SKAP2: variants seen among roughly 807,000 people sequenced by gnomAD.
SKAP2 encodes src kinase associated phosphoprotein 2.
Under a neutral mutation model 54.9 loss-of-function variants are expected in SKAP2, and 28 were observed. That is an observed-to-expected ratio of 0.51 (90% CI 0.38 to 0.70). The LOEUF (loss-of-function observed/expected upper bound fraction) is 0.70. Ranked by LOEUF, SKAP2 falls within the 30% of genes least tolerant of loss-of-function variation. The probability of loss-of-function intolerance (pLI) is 0.00; values close to 1 mark genes in which losing one functional copy is unlikely to be tolerated. For synonymous variants in SKAP2, 137 were observed against 134.3 expected, an observed-to-expected ratio of 1.02 and a Z score of -0.14; for missense variants, 356 against 424.1, an observed-to-expected ratio of 0.84 and a Z score of 1.41.
intron 3 of SKAP2, among the ~76,000 whole-genome samples, chr7:26,851,687 C>T (rs916851771): frequency 2.0e-5 from 3 of 148,178 alleles, no homozygotes; most frequent in African/African-American, 5.0e-5. Flanking sequence ...GCATGTTGTG[C>T]ACATGTACCC....
intron 9 of SKAP2, among the ~76,000 whole-genome samples, chr7:26,695,622 T>C (rs530142324): frequency 1.2e-4 from 18 of 152,338 alleles, no homozygotes; most frequent in Non-Finnish European, 2.4e-4. Context: ...TAAAATACTG[T>C]CTGTTTGTGG....
Position 26,723,149 on chromosome 7 carries a change from G to C in SKAP2, c.796+2279C>G, listed in dbSNP as rs150772560. On this transcript the variant is annotated intron_variant, in intron 9 of 12. Transcript: ENST00000345317. ...TAAGCTTAATTCTTGTCCTGAAAGAGAGACAATTGTTTTAATTAAAAAAGT... is the reference window on the plus strand; with the variant it reads ...TAAGCTTAATTCTTGTCCTGAAAGACAGACAATTGTTTTAATTAAAAAAGT... Among the ~76,000 whole-genome samples, 65 of 152,292 alleles carry C rather than the reference G, an allele frequency of 4.3e-4. No homozygotes were observed. The East Asian group carries it at 0.011, about 25-fold the overall frequency.
intron 6 of SKAP2, among the ~76,000 whole-genome samples, chr7:26,729,445 A>G (rs1312477045): frequency 2.6e-5 from 4 of 152,180 alleles, no homozygotes; most frequent in Non-Finnish European, 2.9e-5. Flanking sequence ...ACTGCTTTGC[A>G]TATTTTATAA....
At chr7:26,682,183 T>A (rs909318784) in intron 11 of SKAP2, among the ~76,000 whole-genome samples, 1 of 152,236 alleles carries the variant, frequency 6.6e-6, no homozygotes, top group African/African-American at 2.4e-5. Context: ...ACATATTAAA[T>A]GAATTTATGG....
intron 9 of SKAP2, among the ~76,000 whole-genome samples, chr7:26,696,585 T>G (rs1411741534): frequency 6.6e-6 from 1 of 152,190 alleles, no homozygotes; most frequent in African/African-American, 2.4e-5. Flanking sequence ...CAACAATTTA[T>G]TAATTAAGCA....
intron 4 of SKAP2, among the ~76,000 whole-genome samples, chr7:26,790,815 A>G (rs1783657942): frequency 6.6e-6 from 1 of 152,208 alleles, no homozygotes; most frequent in Non-Finnish European, 1.5e-5. Context: ...AGCAGGAACC[A>G]TATATCAAGA....
At chr7:26,806,579 CAG>C (rs1784028262) in intron 4 of SKAP2, among the ~76,000 whole-genome samples, 1 of 152,138 alleles carries the variant, frequency 6.6e-6, no homozygotes, top group African/African-American at 2.4e-5. Flanking sequence ...AAAGCCAAGA[CAG>C]ACTGAAAGCT....
chr7:26,787,822 C>T (rs1463953820), intron 4 of SKAP2, among the ~76,000 whole-genome samples: 2 of 152,280 alleles, frequency 1.3e-5, no homozygotes, highest in African/African-American at 4.8e-5. Context: ...AAACACCTCC[C>T]ATCAGGCCCC....
intron 10 of SKAP2, among the ~76,000 whole-genome samples, chr7:26,688,128 A>T (rs545896943): frequency 2.0e-5 from 3 of 152,282 alleles, no homozygotes; most frequent in Non-Finnish European, 4.4e-5. Context: ...CAGAGGAGAT[A>T]CTTTGCAAAG....
chr7:26,813,674 G>A (rs1199625645), intron 4 of SKAP2, among the ~76,000 whole-genome samples: 6 of 152,144 alleles, frequency 3.9e-5, no homozygotes, highest in Non-Finnish European at 8.8e-5. Flanking sequence ...GTTGCTGACC[G>A]CTGGCTGAAC....
chr7:26,855,835 T>G (rs1785150017), intron 1 of SKAP2, among the ~76,000 whole-genome samples: 1 of 145,404 alleles, frequency 6.9e-6, no homozygotes, highest in African/African-American at 2.5e-5. Flanking sequence ...ATATCTAATA[T>G]GGAGGATATC....
chr7:26,834,263 C>G (rs764083112), intron 4 of SKAP2, among the ~76,000 whole-genome samples: 2 of 152,038 alleles, frequency 1.3e-5, no homozygotes, highest in African/African-American at 2.4e-5. Context: ...AATTGACAAC[C>G]TAACATCACA....
At chr7:26,789,051 C>T (rs1017086812) in intron 4 of SKAP2, among the ~76,000 whole-genome samples, 1 of 152,160 alleles carries the variant, frequency 6.6e-6, no homozygotes, top group Non-Finnish European at 1.5e-5. Flanking sequence ...TTAAGTATCA[C>T]TAGCAAAATC....
chr7:26,687,538 G>C (rs1012534036), intron 10 of SKAP2, among the ~76,000 whole-genome samples: 1 of 151,408 alleles, frequency 6.6e-6, no homozygotes, highest in African/African-American at 2.4e-5. Context: ...TAAGTAGGGG[G>C]AAAAAAAACC....
chr7:26,778,162 G>C (rs1783353667), intron 4 of SKAP2, among the ~76,000 whole-genome samples: 1 of 151,890 alleles, frequency 6.6e-6, no homozygotes, highest in Non-Finnish European at 1.5e-5. Flanking sequence ...ATCATTATTG[G>C]TATATACGAA....
At position 26,845,448 on chromosome 7, in the gene SKAP2, G is replaced by A. The variant is rs570305490; in HGVS notation, c.200-1311C>T. ...GATGATAAGGGCAGAACATAGAGAT[G>A]GCTATATTGTCATCCTTAGGGATTC... is the stretch of plus-strand genomic sequence containing the variant. On this transcript the variant is annotated intron_variant, in intron 3 of 12. Transcript: ENST00000345317. 1.6e-4 allele frequency among the ~76,000 whole-genome samples: 24 copies of A among 152,284 alleles called. No individual in the cohort carries two copies. The East Asian group carries it at 4.1e-3, about 26-fold the overall frequency.
chr7:26,727,495 T>C (rs1217556951), intron 6 of SKAP2, among the ~76,000 whole-genome samples: 1 of 151,962 alleles, frequency 6.6e-6, no homozygotes, highest in Non-Finnish European at 1.5e-5. Context: ...TACAAATTTA[T>C]CTCTAACCTT....
At chr7:26,733,450 ATTAAG>A (rs1217341732) in intron 6 of SKAP2, among the ~76,000 whole-genome samples, 6 of 152,004 alleles carry the variant, frequency 3.9e-5, no homozygotes, top group Admixed American at 3.9e-4. Flanking sequence ...ATGGCTTTCT[ATTAAG>A]TTGTTGTTAC....
chr7:26,744,482 CA>C (rs1217552814), intron 4 of SKAP2, among the ~76,000 whole-genome samples: 1 of 151,970 alleles, frequency 6.6e-6, no homozygotes, highest in East Asian at 1.9e-4. Context: ...CCTAGAACAG[CA>C]CGCAAGTCCC....
Sources: gnomAD v4.1 joint callset for allele counts (sites outside exome capture counted in the v4.1 genomes callset) on GRCh38, gnomAD v4.1.1 for gene constraint, MANE v1.5 for transcripts, NCBI Gene and HGNC (gene_info 2026-07-23, HGNC 2026-07-21) for gene names.